Variants in TEX13B observed in about 807,000 individuals in gnomAD.
The protein encoded by TEX13B is testis expressed 13B.
In TEX13B, 5 loss-of-function variants were observed where a neutral mutation model predicts 11.2. The observed-to-expected ratio is 0.44, with a 90% CI of 0.23 to 0.93. TEX13B has a LOEUF of 0.93. Ranked by LOEUF, TEX13B falls within the 40% of genes least tolerant of loss-of-function variation. The pLI, the probability that TEX13B is intolerant of heterozygous loss-of-function variation, is 0.23. For synonymous variants in TEX13B, 115 were observed against 100.9 expected (o/e 1.14, Z -0.84); for missense variants, 213 against 244.2 (o/e 0.87, Z 0.85).
At position 107,981,070 on chromosome X, in the gene TEX13B, C is replaced by G. The variant is rs1399218131; in HGVS notation, c.*10G>C. On this transcript the variant is annotated 3_prime_UTR_variant, in exon 3 of 3. Transcript: ENST00000302917. Reference sequence around the variant, plus strand: ...TTCCCTGGGCCTCCACATCTGACCACAGGCTAGCATCAGAGGCCCCCCAGT... The same window carrying G: ...TTCCCTGGGCCTCCACATCTGACCAGAGGCTAGCATCAGAGGCCCCCCAGT... 1 of 1,207,692 alleles carries G rather than the reference C, an allele frequency of 8.3e-7. No individual in the cohort carries two copies. The highest frequency in any genetic ancestry group is 1.8e-5 in the African/African-American group (1 of 56,563).
intron 1 of TEX13B, 54 bp downstream of exon 1, chrX:107,982,256 A>G: frequency 1.5e-6 from 1 of 658,735 alleles, no homozygotes; most frequent in Non-Finnish European, 2.2e-6. Context: ...AGACCCTCCT[A>G]ATGACCCTCT....
rs1243407720 is a variant in TEX13B, at chrX:107,981,007, G to A, written c.*73C>T. ...GAGGTCTTCTCTGCTGATGGAGTTC[G>A]GAGTCTCTCCTGTCTCTTGGGGGCT... On this transcript the variant is annotated 3_prime_UTR_variant, in exon 3 of 3. Coordinates refer to ENST00000302917, the MANE Select transcript of TEX13B (RefSeq NM_031273.2). 1.8e-5 allele frequency: 21 copies of A among 1,188,889 alleles called. No homozygotes were observed. Among genetic ancestry groups the A allele is most frequent in the East Asian group, 3.0e-5 (1 of 33,704 alleles).
In TEX13B at chrX:107,982,008, G is replaced by C; in HGVS notation, c.120C>G (p.Ser40=). The change falls in exon 2 of 3, where the codon TCC becomes TCG. Residue 40 remains serine (S), a synonymous_variant. Coordinates refer to ENST00000302917, the MANE Select transcript of TEX13B (RefSeq NM_031273.2). The stretch of plus-strand genomic sequence containing the variant: ...TGTCTTCCACCTCCTCCCAGGATAA[G>C]GATATATTCTCGAAGTAGAACTCGG... ...KGPEFYFENI[S]LSWEEVEDKL... 1 of 1,211,871 alleles carries C rather than the reference G, an allele frequency of 8.3e-7. No homozygotes were observed. The highest frequency in any genetic ancestry group is 1.1e-6 in the Non-Finnish European group (1 of 895,468).
At position 107,980,920 on chromosome X, in the gene TEX13B, C is replaced by T; in HGVS notation, c.*160G>A. ...TCCCACAGAGGAAGCAATTTTCCCTCCATGAAAAATTCACAGCTTTACACC... is the reference window on the plus strand; with the variant it reads ...TCCCACAGAGGAAGCAATTTTCCCTTCATGAAAAATTCACAGCTTTACACC... On this transcript the variant is annotated 3_prime_UTR_variant, in exon 3 of 3. Transcript: ENST00000302917. 3 of 775,116 alleles carry T rather than the reference C, an allele frequency of 3.9e-6. No homozygotes were observed. The highest frequency in any genetic ancestry group is 4.7e-5 in the South Asian group (2 of 42,139). The allele number at this position is 775,116 out of a possible 1,213,427, so 63.9% of individuals were successfully genotyped here. A position where few individuals can be genotyped will look rare whatever the true frequency, so the allele number is the denominator to read the frequency against.
At position 107,981,202 on chromosome X, in the gene TEX13B, T is replaced by A. The variant is rs768790915; in HGVS notation, c.817A>T (p.Ile273Phe). 16 of 1,211,654 alleles carry A rather than the reference T, an allele frequency of 1.3e-5. No homozygotes were observed. The South Asian group carries it at 2.8e-4, about 21-fold the overall frequency. ...GASSCPAPYL[I>F]HILIPMPFVR... ...AAGGGCATGGGTATGAGTATGTGAA[T>A]GAGGTAGGGAGCTGGACAGGAAGAG... Residue 273 changes from isoleucine to phenylalanine, a missense_variant, in exon 3 of 3, where the codon ATT becomes TTT. Physicochemically the swap from Ile to Phe is conservative, Grantham distance 21 (BLOSUM62 0). Transcript: ENST00000302917.
At position 107,981,451 on chromosome X, in the gene TEX13B, C is replaced by T. The variant is rs763748377; in HGVS notation, c.568G>A (p.Ala190Thr). The change falls in exon 3 of 3, where the codon GCT becomes ACT. Residue 190 changes from alanine (A) to threonine (T), a missense_variant. Physicochemically the swap from Ala to Thr is moderately conservative, Grantham distance 58. Transcript: ENST00000302917. ...GAGEQEKEAVAAAGAAGGKGE... is the reference protein window; with the variant it reads ...GAGEQEKEAVTAAGAAGGKGE... ...TTTCCTCCAGCAGCACCAGCAGCAG[C>T]CACCGCCTCCTTTTCCTGCTCACCT... 3 of 1,210,354 alleles carry T rather than the reference C, an allele frequency of 2.5e-6. No homozygotes were observed. Among genetic ancestry groups the T allele is most frequent in the Non-Finnish European group, 3.4e-6 (3 of 895,325 alleles).
rs1437992262 is a variant in TEX13B at position 107,981,424 on chromosome X, C to T, written c.595G>A (p.Gly199Arg). The change falls in exon 3 of 3, where the codon GGA becomes AGA. Residue 199 changes from glycine (G) to arginine (R), a missense_variant. Transcript: ENST00000302917. ...CCTGCCTCTGCATACCTCTCCTCTC[C>T]TTTTCCTCCAGCAGCACCAGCAGCA... ...VAAAGAAGGK[G>R]EERYAEAGPA... The T allele has an allele frequency of 1.7e-6, 2 of 1,212,030 alleles. No homozygotes were observed. The highest frequency in any genetic ancestry group is 1.1e-6 in the Non-Finnish European group (1 of 895,590).
Position 107,981,156 on chromosome X carries a change from G to C in TEX13B, c.863C>G (p.Thr288Ser). 2 of 1,211,430 alleles carry C rather than the reference G, an allele frequency of 1.7e-6. No homozygotes were observed. The highest frequency in any genetic ancestry group is 1.7e-5 in the African/African-American group (1 of 57,603). ...TTTGCTGGTGAAGGGGGTATATTGG[G>C]TATGGCTGAGAAGGCGGACAAAGGG... ...PMPFVRLLSH[T>S]QYTPFTSKGH... The change falls in exon 3 of 3, where the codon ACC (threonine) becomes AGC (serine). Residue 288 changes from threonine to serine, a missense_variant. By Grantham distance (58) the Thr-to-Ser change is moderately conservative (BLOSUM62 1). Transcript: ENST00000302917.
chrX:107,981,344 G>A lies in TEX13B; in HGVS notation c.675C>T (p.Leu225=), dbSNP rs780289881. 3 of 1,211,595 alleles carry A rather than the reference G, an allele frequency of 2.5e-6. No homozygotes were observed. The highest frequency in any genetic ancestry group is 2.2e-6 in the Non-Finnish European group (2 of 895,454). The change falls in exon 3 of 3, where the codon CTC becomes CTT. Residue 225 remains leucine, a synonymous_variant. Transcript: ENST00000302917. ...QGLGGGFRQP[L]GAIVAGKLHL... is the part of the protein sequence containing the mutation. The stretch of plus-strand genomic sequence containing the variant: ...GTAATTTGCCTGCTACAATAGCTCC[G>A]AGGGGCTGCCTGAAGCCTCCTCCCA...
Position 107,981,976 on chromosome X carries a change from C to T in TEX13B, c.152G>A (p.Arg51Lys), listed in dbSNP as rs142808755. The T allele has an allele frequency of 1.0e-4, 126 of 1,210,265 alleles. 1 individual carries two copies. Among genetic ancestry groups the T allele is most frequent in the Non-Finnish European group, 1.3e-4 (115 of 895,199 alleles). ...CACCTCGCTGTCCTCCAGGATGGCC[C>T]TGAGCTTGTCTTCCACCTCCTCCCA... ...LSWEEVEDKL[R>K]AILEDSEVPS... The change falls in exon 2 of 3, where the codon AGG becomes AAG. Residue 51 changes from arginine to lysine, a missense_variant. Physicochemically the swap from Arg to Lys is conservative, Grantham distance 26 (BLOSUM62 2). Transcript: ENST00000302917.
chrX:107,981,014 C>A lies in TEX13B; in HGVS notation c.*66G>T. On this transcript the variant is annotated 3_prime_UTR_variant, in exon 3 of 3. Coordinates refer to ENST00000302917, the MANE Select transcript of TEX13B (RefSeq NM_031273.2). ...TCTCTGCTGATGGAGTTCGGAGTCTCTCCTGTCTCTTGGGGGCTCTTGAGG... is the reference window on the plus strand; with the variant it reads ...TCTCTGCTGATGGAGTTCGGAGTCTATCCTGTCTCTTGGGGGCTCTTGAGG... 8.3e-7 allele frequency: 1 copy of A among 1,200,373 alleles called. No individual in the cohort carries two copies. Among genetic ancestry groups the A allele is most frequent in the Non-Finnish European group, 1.1e-6 (1 of 887,746 alleles).
chrX:107,980,875 C>A lies in TEX13B; in HGVS notation c.*205G>T, dbSNP rs1331557660. The A allele has an allele frequency of 2.0e-6, 1 of 499,801 alleles. No homozygotes were observed. Among genetic ancestry groups the A allele is most frequent in the East Asian group, 3.5e-5 (1 of 28,761 alleles). The allele number at this position is 499,801 out of a possible 1,213,427, so 41.2% of individuals were successfully genotyped here. ...TTTTACATTTCTGAATTTACTGAGGCTTTTGCAGCCAGATTCGCCTCCCAC... is the reference window on the plus strand; with the variant it reads ...TTTTACATTTCTGAATTTACTGAGGATTTTGCAGCCAGATTCGCCTCCCAC... On this transcript the variant is annotated 3_prime_UTR_variant, in exon 3 of 3. Transcript: ENST00000302917.
In TEX13B at chrX:107,981,205, G is replaced by A. The variant is rs1569476228; in HGVS notation, c.814C>T (p.Leu272Phe). 5 of 1,210,047 alleles carry A rather than the reference G, an allele frequency of 4.1e-6. No homozygotes were observed. Among genetic ancestry groups the A allele is most frequent in the Non-Finnish European group, 5.6e-6 (5 of 895,221 alleles). Residue 272 changes from leucine to phenylalanine, a missense_variant, in exon 3 of 3, where the codon CTC becomes TTC. By Grantham distance (22) the Leu-to-Phe change is conservative. Coordinates refer to ENST00000302917, the MANE Select transcript of TEX13B (RefSeq NM_031273.2). ...GGCATGGGTATGAGTATGTGAATGAGGTAGGGAGCTGGACAGGAAGAGGCT... is the reference window on the plus strand; with the variant it reads ...GGCATGGGTATGAGTATGTGAATGAAGTAGGGAGCTGGACAGGAAGAGGCT... ...TGASSCPAPY[L>F]IHILIPMPFV...
In TEX13B at chrX:107,981,104, A is replaced by G; in HGVS notation, c.915T>C (p.Asp305=). The change falls in exon 3 of 3, where the codon GAT becomes GAC. Residue 305 remains aspartate, a synonymous_variant. Coordinates refer to ENST00000302917, the MANE Select transcript of TEX13B (RefSeq NM_031273.2). ...SKGHRTGSNS[D]AFQLGGL ...ATCAGAGGCCCCCCAGTTGAAAGGC[A>G]TCTGAGTTGGAACCCGTTCTGTGAC... is the stretch of plus-strand genomic sequence containing the variant. 2.5e-6 allele frequency: 3 copies of G among 1,211,046 alleles called. No homozygotes were observed. Among genetic ancestry groups the G allele is most frequent in the Admixed American group, 2.2e-5 (1 of 45,957 alleles).
rs1933754846 is a variant in TEX13B at position 107,981,006 on chromosome X, C to T, written c.*74G>A. ...GGAGGTCTTCTCTGCTGATGGAGTT[C>T]GGAGTCTCTCCTGTCTCTTGGGGGC... is the stretch of plus-strand genomic sequence containing the variant. On this transcript the variant is annotated 3_prime_UTR_variant, in exon 3 of 3. Coordinates refer to ENST00000302917, the MANE Select transcript of TEX13B (RefSeq NM_031273.2). 26 of 1,186,478 alleles carry T rather than the reference C, an allele frequency of 2.2e-5. No homozygotes were observed. Among genetic ancestry groups the T allele is most frequent in the Admixed American group, 6.6e-5 (3 of 45,630 alleles).
In TEX13B at chrX:107,982,110, C is replaced by T. The variant is rs766461736; in HGVS notation, c.18G>A (p.Glu6=). The part of the protein sequence containing the change: MALRP[E]DPSSGFRHGN... Reference sequence around the variant, plus strand: ...CGTGCCGGAACCCACTACTGGGGTCCTCAGGTCTCAAGGCCATGATCGCCT... The same window carrying T: ...CGTGCCGGAACCCACTACTGGGGTCTTCAGGTCTCAAGGCCATGATCGCCT... Residue 6 remains glutamate (E), a synonymous_variant, in exon 2 of 3, where the codon GAG becomes GAA. Transcript: ENST00000302917. 2.8e-5 allele frequency: 34 copies of T among 1,200,558 alleles called. No homozygotes were observed. The highest frequency in any genetic ancestry group is 3.6e-5 in the Non-Finnish European group (32 of 888,392).
rs962950771 is a variant in TEX13B, at chrX:107,981,844, C to G, written c.284G>C (p.Gly95Ala). Reference sequence around the variant, plus strand: ...AGCTGATCTGTGCAGTTTGGCAAAGCCTTGCAGCCACTGCACCCTGCGGTT... The same window carrying G: ...AGCTGATCTGTGCAGTTTGGCAAAGGCTTGCAGCCACTGCACCCTGCGGTT... Reference protein sequence around the residue: ...LQNRRVQWLQGFAKLHRSAAL... With the variant: ...LQNRRVQWLQAFAKLHRSAAL... Residue 95 changes from glycine to alanine, a missense_variant, in exon 2 of 3, where the codon GGC (glycine) becomes GCC (alanine). Coordinates refer to ENST00000302917, the MANE Select transcript of TEX13B (RefSeq NM_031273.2). 7 of 1,208,818 alleles carry G rather than the reference C, an allele frequency of 5.8e-6. No individual in the cohort carries two copies. The Admixed American group carries it at 1.1e-4, about 19-fold the overall frequency.
At position 107,982,370 on chromosome X, in the gene TEX13B, A is replaced by G. The variant is rs1291051110; in HGVS notation, c.-93T>C. The G allele has an allele frequency of 1.2e-5, 4 of 338,265 alleles. No individual in the cohort carries two copies. Among genetic ancestry groups the G allele is most frequent in the Non-Finnish European group, 2.1e-5 (4 of 192,646 alleles). The allele number at this position is 338,265 out of a possible 1,213,427, so 27.9% of individuals were successfully genotyped here. A position where few individuals can be genotyped will look rare whatever the true frequency, so the allele number is the denominator to read the frequency against. ...CCCGCTGCTTAACACGCCTGAAGAGAGGGTGGCCTCTTTCCCTCCTAGGGC... is the reference window on the plus strand; with the variant it reads ...CCCGCTGCTTAACACGCCTGAAGAGGGGGTGGCCTCTTTCCCTCCTAGGGC... On this transcript the variant is annotated 5_prime_UTR_variant, in exon 1 of 3. Transcript: ENST00000302917.
Position 107,981,743 on chromosome X carries a change from A to G in TEX13B, c.385T>C (p.Leu129=). 1.7e-6 allele frequency: 2 copies of G among 1,211,469 alleles called. No homozygotes were observed. The highest frequency in any genetic ancestry group is 2.2e-6 in the Non-Finnish European group (2 of 895,257). ...EMECNEATFQ[L]QLTETSLAEV... ...GCAAGGCTGGTCTCGGTTAGCTGCA[A>G]CTGGAAGGTCGCCTCATTGCATTCC... Residue 129 remains leucine (L), a synonymous_variant, in exon 2 of 3, where the codon TTG becomes CTG. Coordinates refer to ENST00000302917, the MANE Select transcript of TEX13B (RefSeq NM_031273.2).
Sources: gnomAD v4.1 joint callset for allele counts on GRCh38, gnomAD v4.1.1 for gene constraint, MANE v1.5 for transcripts, NCBI Gene and HGNC (gene_info 2026-07-23, HGNC 2026-07-21) for gene names.